The following TENM2 variants were observed in gnomAD, a reference collection of about 807,000 sequenced individuals.
TENM2 encodes teneurin transmembrane protein 2.
TENM2 carries 52 observed loss-of-function variants against 245.2 expected under a neutral mutation model. That is an observed-to-expected ratio of 0.21 (90% CI 0.17 to 0.27). The LOEUF is 0.27. TENM2 is among the 10% of genes least tolerant of loss of function. TENM2 has a pLI of 1.00. For synonymous variants in TENM2, 1,363 were observed against 1,438.9 expected (o/e 0.95, Z 1.19); for missense variants, 3,046 against 3,666.8 (o/e 0.83, Z 4.37).
chr5:167,775,927 GTAAA>G (rs1763733558), intron 2 of TENM2, among the ~76,000 whole-genome samples: 1 of 152,048 alleles, frequency 6.6e-6, no homozygotes, highest in Admixed American at 6.6e-5. Context: ...TGTTTATTGA[GTAAA>G]TAAATATTAT....
At chr5:167,348,300 C>A (rs1234316549) in intron 1 of TENM2, among the ~76,000 whole-genome samples, 1 of 152,138 alleles carries the variant, frequency 6.6e-6, no homozygotes, top group Non-Finnish European at 1.5e-5. Context: ...ATTGAAATTT[C>A]TTCTGGGACA....
At chr5:167,723,269 G>A (rs1424917413) in intron 2 of TENM2, among the ~76,000 whole-genome samples, 2 of 152,018 alleles carry the variant, frequency 1.3e-5, no homozygotes, top group African/African-American at 2.4e-5. Context: ...CATTCCAGAC[G>A]CCCAGCCTGA....
chr5:168,205,096 A>G (rs1762251762), intron 19 of TENM2, among the ~76,000 whole-genome samples: 1 of 152,294 alleles, frequency 6.6e-6, no homozygotes, highest in Admixed American at 6.5e-5. Flanking sequence ...CCTCCTGCCC[A>G]TTGCTGGCTA....
intron 3 of TENM2, among the ~76,000 whole-genome samples, chr5:167,919,152 T>C (rs1433913769): frequency 2.6e-5 from 4 of 152,170 alleles, no homozygotes; most frequent in African/African-American, 9.7e-5. Flanking sequence ...TGCTTTTACT[T>C]CTATTGTTTC....
chr5:167,327,476 G>C (rs1158366134), intron 1 of TENM2, among the ~76,000 whole-genome samples: 4 of 152,178 alleles, frequency 2.6e-5, no homozygotes, highest in African/African-American at 9.7e-5. Context: ...AATGCAAAAA[G>C]CAGGAAAGAA....
At chr5:168,022,611 G>A (rs530364874) in intron 5 of TENM2, among the ~76,000 whole-genome samples, 1 of 152,310 alleles carries the variant, frequency 6.6e-6, no homozygotes, top group East Asian at 1.9e-4. Context: ...CATGAGTGTT[G>A]CAGGATTAGA....
chr5:168,212,377 C>T (rs1762859352), intron 20 of TENM2, among the ~76,000 whole-genome samples: 1 of 152,174 alleles, frequency 6.6e-6, no homozygotes, highest in Non-Finnish European at 1.5e-5. Context: ...TAGTACAATT[C>T]ACAGATAAAG....
chr5:167,505,388 T>G (rs2127561727), intron 2 of TENM2, among the ~76,000 whole-genome samples: 1 of 152,298 alleles, frequency 6.6e-6, no homozygotes, highest in Non-Finnish European at 1.5e-5. Flanking sequence ...CAGAAGAATG[T>G]GTGAAGGTAT....
chr5:167,599,290 C>T (rs1776441233), intron 2 of TENM2, among the ~76,000 whole-genome samples: 1 of 152,236 alleles, frequency 6.6e-6, no homozygotes, highest in East Asian at 1.9e-4. Context: ...GAACAATCCT[C>T]TTAAATTAGG....
At chr5:167,285,164 C>A in intron 1 of TENM2, 101 bp downstream of exon 3, 1 of 839,516 alleles carries the variant, frequency 1.2e-6, no homozygotes, top group Non-Finnish European at 2.0e-6. Context: ...TGGTTTTTGA[C>A]AGATGTACCC....
At chr5:167,928,172 C>T (rs905058500) in intron 3 of TENM2, among the ~76,000 whole-genome samples, 5 of 152,158 alleles carry the variant, frequency 3.3e-5, no homozygotes, top group Non-Finnish European at 7.3e-5. Flanking sequence ...TAAGAATTAT[C>T]TTTGTCATTT....
chr5:167,957,253 T>G (rs755532025), intron 4 of TENM2, among the ~76,000 whole-genome samples: 20 of 152,200 alleles, frequency 1.3e-4, no homozygotes, highest in Admixed American at 9.2e-4. Flanking sequence ...TTTTCTGGTT[T>G]ATTTGCATAG....
intron 19 of TENM2, 54 bp downstream of exon 21, chr5:168,204,675 G>T: frequency 6.3e-7 from 1 of 1,588,010 alleles, no homozygotes. Context: ...CATAACTCCT[G>T]AGTTTGATCG....
At chr5:167,340,718 T>A (rs1758045100) in intron 1 of TENM2, among the ~76,000 whole-genome samples, 1 of 152,234 alleles carries the variant, frequency 6.6e-6, no homozygotes, top group Non-Finnish European at 1.5e-5. Context: ...GAATGTAAAC[T>A]TGGAAATGAC....
At chr5:167,544,893 G>A (rs1314454275) in intron 2 of TENM2, among the ~76,000 whole-genome samples, 1 of 152,150 alleles carries the variant, frequency 6.6e-6, no homozygotes, top group African/African-American at 2.4e-5. Flanking sequence ...ACATTTGTTT[G>A]AATAACTCTA....
At chr5:167,446,105 G>A (rs1765191493) in intron 2 of TENM2, among the ~76,000 whole-genome samples, 1 of 152,010 alleles carries the variant, frequency 6.6e-6, no homozygotes, top group South Asian at 2.1e-4. Context: ...ATCACTTGTT[G>A]GCAAATATAT....
At chr5:167,241,595 T>C in the TENM2 span, among the ~76,000 whole-genome samples, 1 of 152,156 alleles carries the variant, frequency 6.6e-6, no homozygotes, top group Non-Finnish European at 1.5e-5. Flanking sequence ...ATAACACGAC[T>C]CAAGAGAAGG....
intron 1 of TENM2, among the ~76,000 whole-genome samples, chr5:167,311,680 T>G (rs1756042962): frequency 6.6e-6 from 1 of 152,218 alleles, no homozygotes; most frequent in African/African-American, 2.4e-5. Context: ...AGAATACATC[T>G]GTATTTAAAA....
chr5:167,225,660 CAG>C, the TENM2 span, among the ~76,000 whole-genome samples: 1 of 151,942 alleles, frequency 6.6e-6, no homozygotes, highest in Admixed American at 6.6e-5. Context: ...GGTTTGGTAT[CAG>C]GGTAATGCTG....
Sources: allele counts gnomAD v4.1 joint callset (sites outside exome capture counted in the v4.1 genomes callset), GRCh38; gene constraint gnomAD v4.1.1; transcripts MANE v1.5; gene names NCBI Gene and HGNC (gene_info 2026-07-23, HGNC 2026-07-21).